The following ADRA1B variants were observed in gnomAD, a reference collection of about 807,000 sequenced individuals.
ADRA1B encodes alpha-1B adrenergic receptor.
In ADRA1B, 17 loss-of-function variants were observed where a neutral mutation model predicts 17.9. That is an observed-to-expected ratio of 0.95 (90% CI 0.65 to 1.42). The LOEUF (loss-of-function observed/expected upper bound fraction) is 1.42. Ranked by LOEUF, ADRA1B falls within the 40% of genes most tolerant of loss-of-function variation. The pLI, the probability that ADRA1B is intolerant of heterozygous loss-of-function variation, is 0.00. For synonymous variants in ADRA1B, 366 were observed against 327.6 expected (o/e 1.12, Z -1.27); for missense variants, 681 against 722.1 (o/e 0.94, Z 0.65).
At chr5:159,882,573 A>G (rs1255184904) in intron 1 of ADRA1B, among the ~76,000 whole-genome samples, 1 of 152,208 alleles carries the variant, frequency 6.6e-6, no homozygotes, top group Non-Finnish European at 1.5e-5. Context: ...GATTTCTGAC[A>G]AGGAAAACTG....
At chr5:159,984,509 A>G in the ADRA1B span, among the ~76,000 whole-genome samples, 9,373 of 152,176 alleles carry the variant, frequency 0.062, 925 homozygotes, top group African/African-American at 0.21. Flanking sequence ...CTCCAGCCTG[A>G]ACAACTGCAG....
chr5:159,986,746 C>G, the ADRA1B span, among the ~76,000 whole-genome samples: 1 of 152,160 alleles, frequency 6.6e-6, no homozygotes. Context: ...CTCAGGAGGG[C>G]TCGATTTACG....
intron 1 of ADRA1B, among the ~76,000 whole-genome samples, chr5:159,928,545 C>T (rs370342370): frequency 1.1e-4 from 17 of 152,268 alleles, no homozygotes; most frequent in African/African-American, 3.9e-4. Context: ...CCTCCTAGAG[C>T]CCCATTTAAC....
chr5:159,985,002 T>G, the ADRA1B span, among the ~76,000 whole-genome samples: 1 of 151,724 alleles, frequency 6.6e-6, no homozygotes, highest in Non-Finnish European at 1.5e-5. Context: ...TTTGCAATGG[T>G]CTGCCCCTCT....
rs970225512 is a variant in ADRA1B, at chr5:159,916,570, C to G, written c.-336C>G. The G allele has an allele frequency of 9.9e-5, 20 of 202,468 alleles. No individual in the cohort carries two copies. Among genetic ancestry groups the G allele is most frequent in the Non-Finnish European group, 1.6e-4 (16 of 101,826 alleles). 12.5% of individuals were successfully genotyped at this position (202,468 alleles called of 1,614,324 possible). On this transcript the variant is annotated 5_prime_UTR_variant, in exon 1 of 2. Coordinates refer to ENST00000306675, the MANE Select transcript of ADRA1B (RefSeq NM_000679.4). ...GCCGCGGTCCGCAGACCCGAGCGAG[C>G]TGGGCACCGCCGGGCGCCCCCGGCC...
the ADRA1B span, among the ~76,000 whole-genome samples, chr5:159,985,985 A>G: frequency 6.6e-6 from 1 of 152,236 alleles, no homozygotes; most frequent in East Asian, 1.9e-4. Flanking sequence ...ACTACTCTTT[A>G]ATGCAACTTG....
chr5:159,969,114 A>C (rs1313805621), intron 1 of ADRA1B, among the ~76,000 whole-genome samples: 1 of 152,222 alleles, frequency 6.6e-6, no homozygotes, highest in East Asian at 1.9e-4. Flanking sequence ...GAGTCTTGTC[A>C]CAAATCGGGT....
chr5:159,920,095 A>G (rs1012621412), intron 1 of ADRA1B, among the ~76,000 whole-genome samples: 1 of 152,194 alleles, frequency 6.6e-6, no homozygotes, highest in African/African-American at 2.4e-5. Flanking sequence ...CCCCCAGCAA[A>G]TAGGATTCAG....
At chr5:159,936,656 CAA>C (rs11381811) in intron 1 of ADRA1B, among the ~76,000 whole-genome samples, 1 of 146,182 alleles carries the variant, frequency 6.8e-6, no homozygotes, top group Non-Finnish European at 1.5e-5. Flanking sequence ...ATTCAAACCA[CAA>C]AAAAAAAAAT....
intron 1 of ADRA1B, among the ~76,000 whole-genome samples, chr5:159,966,213 A>G (rs1755773716): frequency 6.6e-6 from 1 of 152,256 alleles, no homozygotes; most frequent in African/African-American, 2.4e-5. Context: ...TCCTAAAATT[A>G]GATTTCCAGC....
At chr5:159,952,138 C>T (rs188506519) in intron 1 of ADRA1B, among the ~76,000 whole-genome samples, 28 of 152,228 alleles carry the variant, frequency 1.8e-4, no homozygotes, top group African/African-American at 6.7e-4. Context: ...TCTTAAATTG[C>T]CTTTTGGTAC....
chr5:159,923,466 G>C (rs1390615567), intron 1 of ADRA1B, among the ~76,000 whole-genome samples: 1 of 152,258 alleles, frequency 6.6e-6, no homozygotes, highest in African/African-American at 2.4e-5. Context: ...GACGGCATAA[G>C]AGAGTCCGCA....
intron 1 of ADRA1B, among the ~76,000 whole-genome samples, chr5:159,884,615 A>G (rs1362597412): frequency 3.9e-5 from 6 of 152,250 alleles, no homozygotes; most frequent in African/African-American, 1.4e-4. Context: ...ATTCTGTTAT[A>G]GCAGTGCAAA....
chr5:159,950,267 C>T (rs1162366966), intron 1 of ADRA1B, among the ~76,000 whole-genome samples: 2 of 150,710 alleles, frequency 1.3e-5, no homozygotes, highest in Non-Finnish European at 3.0e-5. Context: ...TTGGGTGACC[C>T]TAGTGGAGAA....
rs957724800 is a variant in ADRA1B, at chr5:159,972,244, G to A, written c.1315G>A (p.Val439Ile). The A allele has an allele frequency of 4.4e-6, 6 of 1,354,600 alleles. No homozygotes were observed. Among genetic ancestry groups the A allele is most frequent in the Non-Finnish European group, 2.9e-6 (3 of 1,051,704 alleles). The allele number at this position is 1,354,600 out of a possible 1,614,324, so 83.9% of individuals were successfully genotyped here. A position where few individuals can be genotyped will look rare whatever the true frequency, so the allele number is the denominator to read the frequency against. The stretch of plus-strand genomic sequence containing the variant: ...CCTGGGCCGCGGCGCGCCACCGCCA[G>A]TCGAGCTGTGCGCCTTCCCCGAGTG... ...GYLGRGAPPP[V>I]ELCAFPEWKA... The change falls in exon 2 of 2, where the codon GTC (valine) becomes ATC (isoleucine). Residue 439 changes from valine to isoleucine, a missense_variant. Physicochemically the swap from Val to Ile is conservative, Grantham distance 29. Transcript: ENST00000306675.
the ADRA1B span, among the ~76,000 whole-genome samples, chr5:159,987,718 G>A: frequency 2.0e-5 from 3 of 152,236 alleles, no homozygotes; most frequent in African/African-American, 7.2e-5. Context: ...GCTGGCTTCA[G>A]GGAATCTGGG....
chr5:159,949,364 G>T (rs1009037102), intron 1 of ADRA1B, among the ~76,000 whole-genome samples: 2 of 152,168 alleles, frequency 1.3e-5, no homozygotes, highest in African/African-American at 4.8e-5. Context: ...TAAATCAATG[G>T]CTCTTATCCT....
At chr5:159,891,273 C>T (rs918812076) in intron 1 of ADRA1B, among the ~76,000 whole-genome samples, 1 of 152,194 alleles carries the variant, frequency 6.6e-6, no homozygotes, top group Non-Finnish European at 1.5e-5. Flanking sequence ...AATCAATAAA[C>T]TCCAAGATGA....
In ADRA1B at chr5:159,972,080, G is replaced by A; in HGVS notation, c.1151G>A (p.Cys384Tyr). ...CGCCGCCGCCGTCGCCTGGGCGGCT[G>A]CGCCTACACCTACCGGCCGTGGACG... ...RRRRRRRLGG[C>Y]AYTYRPWTRG... The change falls in exon 2 of 2, where the codon TGC becomes TAC. Residue 384 changes from cysteine (C) to tyrosine (Y), a missense_variant. Cys to Tyr is a radical substitution (Grantham distance 194, BLOSUM62 -2). Around this residue, in one of 3 missense-constraint regions of ADRA1B, gnomAD observed 251 missense variants for 224.9 expected, o/e 1.12. Transcript: ENST00000306675. 1 of 1,286,564 alleles carries A rather than the reference G, an allele frequency of 7.8e-7. No individual in the cohort carries two copies. Among genetic ancestry groups the A allele is most frequent in the Non-Finnish European group, 9.8e-7 (1 of 1,016,486 alleles). 79.7% of individuals were successfully genotyped at this position (1,286,564 alleles called of 1,614,324 possible).
Sources: gnomAD v4.1 joint callset for allele counts (sites outside exome capture counted in the v4.1 genomes callset) on GRCh38, gnomAD v4.1.1 for gene constraint, gnomAD v4.1.1 regional missense constraint, MANE v1.5 for transcripts, NCBI Gene and HGNC (gene_info 2026-07-23, HGNC 2026-07-21) for gene names.